The following RASSF6 variants were observed in gnomAD, a reference collection of about 807,000 sequenced individuals.
The protein encoded by RASSF6 is Ras association domain family member 6.
In RASSF6, 52 loss-of-function variants were observed where a neutral mutation model predicts 44.0. That is an observed-to-expected ratio of 1.18 (90% CI 0.95 to 1.49). The LOEUF (loss-of-function observed/expected upper bound fraction) is 1.49, where lower values mean the gene tolerates loss of function less well. Among genes scored for constraint, RASSF6 ranks in the 40% most tolerant of loss-of-function variants. RASSF6 has a pLI of 0.00. For missense variants in RASSF6, 464 were observed against 393.3 expected (o/e 1.18, Z -1.52); for synonymous variants, 162 against 124.6 (o/e 1.30, Z -2.00).
chr4:73,604,225 A>G (rs1056674769), intron 2 of RASSF6: 1 of 152,258 alleles, frequency 6.6e-6, no homozygotes, highest in Non-Finnish European at 1.5e-5. Flanking sequence ...ATTTCATCCC[A>G]GCACTTTGGG....
At chr4:73,617,626 TGAA>T (rs903797359) in intron 1 of RASSF6, among the ~76,000 whole-genome samples, 1 of 152,238 alleles carries the variant, frequency 6.6e-6, no homozygotes, top group Non-Finnish European at 1.5e-5. Context: ...TAGGTGATGA[TGAA>T]GTTTTCCTTT....
chr4:73,583,950 A>G (rs779512692), intron 6 of RASSF6, among the ~76,000 whole-genome samples: 22 of 152,148 alleles, frequency 1.4e-4, no homozygotes, highest in South Asian at 4.1e-4. Flanking sequence ...TTTCCAGCAC[A>G]AGTGATCCAA....
At position 73,576,316 on chromosome 4, in the gene RASSF6, A is replaced by T; in HGVS notation, c.939-6T>A. ...TCGCCTTTTCTTTATTGAATCTGAA[A>T]ATGAGAAGAAGAAAGACTATTAAAA... On this transcript the variant is annotated splice_polypyrimidine_tract_variant and splice_region_variant and intron_variant, in intron 10 of 10. Coordinates refer to ENST00000307439, the MANE Select transcript of RASSF6 (RefSeq NM_177532.5). 2 of 1,527,530 alleles carry T rather than the reference A, an allele frequency of 1.3e-6. No individual in the cohort carries two copies. The highest frequency in any genetic ancestry group is 1.8e-6 in the Non-Finnish European group (2 of 1,109,812). The allele number at this position is 1,527,530 out of a possible 1,614,324, so 94.6% of individuals were successfully genotyped here.
chr4:73,572,555 C>CGTAA lies in RASSF6; in HGVS notation c.*3676_*3679dup. On this transcript the variant is annotated 3_prime_UTR_variant, in exon 11 of 11. Transcript: ENST00000307439. ...GTCAATTAAAAATAAAATAAAAAGA[C>CGTAA]GTAAGTCACTAAGTCCAGCCCATTT... 1 of 152,100 alleles carries CGTAA rather than the reference C, an allele frequency of 6.6e-6. No homozygotes were observed. The highest frequency in any genetic ancestry group is 2.1e-4 in the South Asian group (1 of 4,810). 9.4% of individuals were successfully genotyped at this position (152,100 alleles called of 1,614,324 possible). A position where few individuals can be genotyped will look rare whatever the true frequency, so the allele number is the denominator to read the frequency against.
intron 7 of RASSF6, 59 bp from the exon 8 acceptor site, chr4:73,581,927 C>T: frequency 7.9e-7 from 1 of 1,257,898 alleles, no homozygotes; most frequent in Non-Finnish European, 1.1e-6. Context: ...TGTTTTCTAA[C>T]CTGACCAGAC....
At chr4:73,617,256 T>C (rs1726421946) in intron 1 of RASSF6, among the ~76,000 whole-genome samples, 1 of 152,228 alleles carries the variant, frequency 6.6e-6, no homozygotes, top group Admixed American at 6.5e-5. Context: ...GGAATCTAAT[T>C]GGAAATGCCA....
intron 8 of RASSF6, among the ~76,000 whole-genome samples, chr4:73,580,170 A>G (rs1192049489): frequency 6.6e-6 from 1 of 151,300 alleles, no homozygotes; most frequent in Non-Finnish European, 1.5e-5. Context: ...ATGATTTCCA[A>G]TTTCATCCAT....
intron 8 of RASSF6, among the ~76,000 whole-genome samples, chr4:73,580,100 C>T (rs919890856): frequency 2.7e-5 from 4 of 146,834 alleles, no homozygotes; most frequent in Non-Finnish European, 6.0e-5. Context: ...TCAATTCCCA[C>T]CTATGAGTGA....
At chr4:73,600,198 C>A (rs546096642) in intron 2 of RASSF6, among the ~76,000 whole-genome samples, 30 of 152,276 alleles carry the variant, frequency 2.0e-4, no homozygotes, top group Admixed American at 5.2e-4. Context: ...TGTTCTGTCT[C>A]CTCCATTGAA....
chr4:73,602,610 C>T (rs1021951993), intron 2 of RASSF6, among the ~76,000 whole-genome samples: 55 of 152,304 alleles, frequency 3.6e-4, no homozygotes, highest in African/African-American at 1.2e-3. Context: ...CGGACCCCCT[C>T]AAAAAGAATT....
At position 73,611,843 on chromosome 4, in the gene RASSF6, T is replaced by G; in HGVS notation, c.-34-14A>C. The G allele has an allele frequency of 6.6e-7, 1 of 1,513,262 alleles. No homozygotes were observed. 93.7% of individuals were successfully genotyped at this position (1,513,262 alleles called of 1,614,324 possible). A position where few individuals can be genotyped will look rare whatever the true frequency, so the allele number is the denominator to read the frequency against. On this transcript the variant is annotated splice_polypyrimidine_tract_variant and intron_variant, in intron 1 of 10. Transcript: ENST00000307439. ...TCTGAGGATATCCTAAACATGAGAA[T>G]AATATTAATGATTTGTTCCTATAAT...
chr4:73,617,838 C>T (rs960873866), intron 1 of RASSF6, among the ~76,000 whole-genome samples: 18 of 152,112 alleles, frequency 1.2e-4, no homozygotes, highest in African/African-American at 4.3e-4. Context: ...ATTCAGAATT[C>T]CTTTCTCAGA....
In RASSF6 at chr4:73,590,988, A is replaced by T. The variant is rs569606278; in HGVS notation, c.287+2463T>A. 2.6e-5 allele frequency among the ~76,000 whole-genome samples: 4 copies of T among 152,368 alleles called. No homozygotes were observed. In the East Asian group the frequency reaches 7.7e-4, roughly 29 times the overall value. ...AACCTGTGGCAGTATATGGAGAGGC[A>T]TATTACCTTGTCCACCTGGGCTCTT... On this transcript the variant is annotated intron_variant, in intron 4 of 10. Coordinates refer to ENST00000307439, the MANE Select transcript of RASSF6 (RefSeq NM_177532.5).
chr4:73,603,183 C>T (rs1253617587), intron 2 of RASSF6, among the ~76,000 whole-genome samples: 1 of 152,158 alleles, frequency 6.6e-6, no homozygotes, highest in South Asian at 2.1e-4. Context: ...TAGGAAAGAG[C>T]CTTGGTTTTT....
intron 3 of RASSF6, among the ~76,000 whole-genome samples, chr4:73,595,778 G>A (rs977724625): frequency 1.3e-5 from 2 of 152,226 alleles, no homozygotes; most frequent in African/African-American, 4.8e-5. Context: ...TTTATAAAGA[G>A]ATTAGTTATT....
intron 3 of RASSF6, among the ~76,000 whole-genome samples, chr4:73,594,173 C>A (rs1724772410): frequency 6.6e-6 from 1 of 152,092 alleles, no homozygotes; most frequent in African/African-American, 2.4e-5. Flanking sequence ...AAGAAGGAGA[C>A]AAATTTAACA....
At chr4:73,588,675 T>G (rs78729318) in intron 4 of RASSF6, among the ~76,000 whole-genome samples, 9,777 of 152,076 alleles carry the variant, frequency 0.064, 444 homozygotes, top group East Asian at 0.2. Flanking sequence ...ATAGGGTTGT[T>G]TTGAGGATTA....
rs1363056990 is a variant in RASSF6, at chr4:73,606,911, T to C, written c.65+4820A>G. Among the ~76,000 whole-genome samples, 4 of 152,152 alleles carry C rather than the reference T, an allele frequency of 2.6e-5. No individual in the cohort carries two copies. The East Asian group carries it at 7.7e-4, about 29-fold the overall frequency. On this transcript the variant is annotated intron_variant, in intron 2 of 10. Transcript: ENST00000307439. ...CCCCCTGGACATTTGGGATTGTTAC[T>C]AGAGGGTCTGAAACACAACAAGGAG... is the stretch of plus-strand genomic sequence containing the variant.
chr4:73,584,857 C>T (rs1723952204), intron 6 of RASSF6, among the ~76,000 whole-genome samples: 1 of 152,042 alleles, frequency 6.6e-6, no homozygotes, highest in Admixed American at 6.6e-5. Flanking sequence ...AAGCTGGGTT[C>T]AGGTTGAGAG....
Sources: allele counts gnomAD v4.1 joint callset (sites outside exome capture counted in the v4.1 genomes callset), GRCh38; gene constraint gnomAD v4.1.1; transcripts MANE v1.5; gene names NCBI Gene and HGNC (gene_info 2026-07-23, HGNC 2026-07-21).